The following THSD7B variants were observed in gnomAD, a reference collection of about 807,000 sequenced individuals.
THSD7B encodes the protein thrombospondin type 1 domain containing 7B.
In THSD7B, 138 loss-of-function variants were observed where a neutral mutation model predicts 213.6. The observed-to-expected ratio is 0.65, with a 90% CI of 0.56 to 0.74. The LOEUF is 0.74. Ranked by LOEUF, THSD7B falls within the 30% of genes least tolerant of loss-of-function variation. The pLI, the probability that THSD7B is intolerant of heterozygous loss-of-function variation, is 0.00. For missense variants in THSD7B, 1,931 were observed against 1,991.5 expected (o/e 0.97, Z 0.58); for synonymous variants, 742 against 687.0 (o/e 1.08, Z -1.25).
At chr2:137,337,283 C>T (rs555832941) in intron 12 of THSD7B, among the ~76,000 whole-genome samples, 1 of 151,922 alleles carries the variant, frequency 6.6e-6, no homozygotes, top group Non-Finnish European at 1.5e-5. Flanking sequence ...CTTAGTTTTC[C>T]CCAGTCTGGG....
intron 15 of THSD7B, among the ~76,000 whole-genome samples, chr2:137,529,836 A>C (rs1035997033): frequency 6.6e-6 from 1 of 151,992 alleles, no homozygotes; most frequent in African/African-American, 2.4e-5. Flanking sequence ...ACTACATGTC[A>C]GCACTTAGAG....
chr2:136,878,850 C>T (rs1683569093), intron 1 of THSD7B, among the ~76,000 whole-genome samples: 1 of 151,984 alleles, frequency 6.6e-6, no homozygotes, highest in African/African-American at 2.4e-5. Context: ...CAAAAATTTT[C>T]TCCCATTCTG....
intron 1 of THSD7B, among the ~76,000 whole-genome samples, chr2:136,812,887 C>T (rs1682403909): frequency 6.6e-6 from 1 of 152,114 alleles, no homozygotes; most frequent in East Asian, 1.9e-4. Flanking sequence ...GTAATCTTTG[C>T]TCTGAAAATG....
At chr2:137,444,691 C>G (rs1687491043) in intron 14 of THSD7B, among the ~76,000 whole-genome samples, 1 of 151,750 alleles carries the variant, frequency 6.6e-6, no homozygotes, top group South Asian at 2.1e-4. Flanking sequence ...GGAAAATGCT[C>G]CAGGACATTG....
At chr2:136,954,991 T>C (rs1685101805) in intron 2 of THSD7B, among the ~76,000 whole-genome samples, 1 of 152,198 alleles carries the variant, frequency 6.6e-6, no homozygotes, top group Non-Finnish European at 1.5e-5. Flanking sequence ...ACTTTTTATC[T>C]GTAGACAGTA....
At chr2:136,864,386 A>G (rs1683300327) in intron 1 of THSD7B, among the ~76,000 whole-genome samples, 1 of 152,214 alleles carries the variant, frequency 6.6e-6, no homozygotes, top group Non-Finnish European at 1.5e-5. Context: ...AAGAGGACAA[A>G]GAAGAATAAA....
chr2:137,128,765 C>A (rs1688672549), intron 5 of THSD7B, among the ~76,000 whole-genome samples: 2 of 152,172 alleles, frequency 1.3e-5, no homozygotes, highest in Non-Finnish European at 2.9e-5. Context: ...CTAACTTACA[C>A]TGACTTTTTA....
At chr2:136,930,607 C>A (rs1684611618) in intron 2 of THSD7B, among the ~76,000 whole-genome samples, 1 of 152,072 alleles carries the variant, frequency 6.6e-6, no homozygotes, top group Non-Finnish European at 1.5e-5. Flanking sequence ...AGCATCCAGG[C>A]TGATGGATGT....
chr2:137,056,509 C>CACCT lies in THSD7B; in HGVS notation c.230_233dup (p.Ser79ProfsTer3). On this transcript the variant is annotated frameshift_variant, in exon 3 of 28. Transcript: ENST00000409968. LOFTEE classifies it high-confidence loss of function. ...TTTTCATGTTGACGGGTGGACAAGT[C>CACCT]ACCTGTCTAACTGTGGTGAGAGCAA... 6.2e-7 allele frequency: 1 copy of CACCT among 1,613,936 alleles called. No individual in the cohort carries two copies. The highest frequency in any genetic ancestry group is 8.5e-7 in the Non-Finnish European group (1 of 1,179,878).
At chr2:136,824,906 A>G (rs1038978044) in intron 1 of THSD7B, among the ~76,000 whole-genome samples, 3 of 152,196 alleles carry the variant, frequency 2.0e-5, no homozygotes, top group Non-Finnish European at 2.9e-5. Flanking sequence ...CTGACAAGAT[A>G]TGTGTCTCTA....
intron 7 of THSD7B, among the ~76,000 whole-genome samples, chr2:137,202,136 A>C (rs552961750): frequency 6.6e-6 from 1 of 152,166 alleles, no homozygotes; most frequent in African/African-American, 2.4e-5. Context: ...ATTTTATTAT[A>C]ATTTTTCTTT....
In THSD7B at chr2:137,592,437, C is replaced by CATTAAAGGGTAT. The variant is rs527964291; in HGVS notation, c.3423+19881_3423+19882insATTAAAGGGTAT. Among the ~76,000 whole-genome samples the CATTAAAGGGTAT allele has an allele frequency of 5.9e-3, 891 of 151,768 alleles. 8 individuals carry two copies. The highest frequency in any genetic ancestry group is 0.02 in the African/African-American group (847 of 41,454). On this transcript the variant is annotated intron_variant, in intron 17 of 27. Transcript: ENST00000409968. ...TTTTTGCTTTTATGAATGTGGTACC[C>CATTAAAGGGTAT]TTTAATTTCTGTATTTTAGCTATGG...
chr2:137,214,580 C>G (rs2105037737), intron 7 of THSD7B, among the ~76,000 whole-genome samples: 2 of 152,156 alleles, frequency 1.3e-5, no homozygotes, highest in East Asian at 3.9e-4. Flanking sequence ...TATCCCTCCC[C>G]TAGCCCCCCA....
intron 7 of THSD7B, among the ~76,000 whole-genome samples, chr2:137,178,825 A>G (rs957967325): frequency 2.0e-5 from 3 of 152,218 alleles, no homozygotes; most frequent in African/African-American, 7.2e-5. Flanking sequence ...CCTGCTGCAT[A>G]CGTAGACATT....
At chr2:136,857,527 C>T (rs1683194865) in intron 1 of THSD7B, among the ~76,000 whole-genome samples, 1 of 152,194 alleles carries the variant, frequency 6.6e-6, no homozygotes, top group Non-Finnish European at 1.5e-5. Flanking sequence ...ACATTTGGAT[C>T]TATCTTATTC....
Position 136,908,188 on chromosome 2 carries a change from A to G in THSD7B, c.139+25871A>G, listed in dbSNP as rs141453042. Reference sequence around the variant, plus strand: ...ATTTTAAATCTCTAGAACTATATTAAGTTATTGTGCCATGTACAAAATTAA... The same window carrying G: ...ATTTTAAATCTCTAGAACTATATTAGGTTATTGTGCCATGTACAAAATTAA... On this transcript the variant is annotated intron_variant, in intron 2 of 27. Coordinates refer to ENST00000409968, the MANE Select transcript of THSD7B (RefSeq NM_001316349.2). Among the ~76,000 whole-genome samples, 5 of 152,326 alleles carry G rather than the reference A, an allele frequency of 3.3e-5. No homozygotes were observed. The East Asian group carries it at 9.6e-4, about 29-fold the overall frequency.
chr2:137,351,328 A>G (rs940863249), intron 12 of THSD7B, among the ~76,000 whole-genome samples: 3 of 152,006 alleles, frequency 2.0e-5, no homozygotes, highest in African/African-American at 4.8e-5. Flanking sequence ...TACGTTTAAT[A>G]TATTTTTGTC....
At chr2:137,253,837 A>T (rs1320091033) in intron 10 of THSD7B, among the ~76,000 whole-genome samples, 1 of 152,118 alleles carries the variant, frequency 6.6e-6, no homozygotes, top group African/African-American at 2.4e-5. Flanking sequence ...GTGATTTCTA[A>T]ATTAGAGTGT....
chr2:136,936,478 T>C (rs938873315), intron 2 of THSD7B, among the ~76,000 whole-genome samples: 33 of 152,214 alleles, frequency 2.2e-4, no homozygotes, highest in African/African-American at 7.2e-4. Flanking sequence ...TATGATGGAA[T>C]ACTACTCAGC....
Sources: gnomAD v4.1 joint callset for allele counts (sites outside exome capture counted in the v4.1 genomes callset) on GRCh38, gnomAD v4.1.1 for gene constraint, MANE v1.5 for transcripts, NCBI Gene and HGNC (gene_info 2026-07-23, HGNC 2026-07-21) for gene names.